MYH13: variants seen among roughly 807,000 people sequenced by gnomAD.
MYH13 encodes myosin-13.
MYH13 carries 177 observed loss-of-function variants against 232.1 expected under a neutral mutation model. The observed-to-expected ratio is 0.76, with a 90% CI of 0.67 to 0.86. The LOEUF (loss-of-function observed/expected upper bound fraction) is 0.86, where lower values mean the gene tolerates loss of function less well. Ranked by LOEUF, MYH13 falls within the 40% of genes least tolerant of loss-of-function variation. The pLI, the probability that MYH13 is intolerant of heterozygous loss-of-function variation, is 0.00. For synonymous variants in MYH13, 884 were observed against 923.5 expected (o/e 0.96, Z 0.78); for missense variants, 2,246 against 2,405.9 (o/e 0.93, Z 1.39).
intron 7 of MYH13, among the ~76,000 whole-genome samples, chr17:10,358,950 C>T (rs1052634262): frequency 1.8e-4 from 27 of 152,300 alleles, no homozygotes; most frequent in African/African-American, 5.3e-4. Context: ...GTCAAGGTCC[C>T]TCAACTGTAG....
rs529960171 is a variant in MYH13 at position 10,340,208 on chromosome 17, T to G, written c.1998A>C (p.Leu666Phe). Residue 666 changes from leucine to phenylalanine, a missense_variant, in exon 18 of 41, where the codon TTA (leucine) becomes TTC (phenylalanine). Physicochemically the swap from Leu to Phe is conservative, Grantham distance 22. Transcript: ENST00000252172. ...GTACAAAGTGAGGGTGGGTGCTCCTTAAGTTAGTCATCAATTTGTTTAAAT... is the reference window on the plus strand; with the variant it reads ...GTACAAAGTGAGGGTGGGTGCTCCTGAAGTTAGTCATCAATTTGTTTAAAT... The part of the protein sequence containing the change: ...RENLNKLMTN[L>F]RSTHPHFVRC... The G allele has an allele frequency of 3.2e-5, 51 of 1,614,062 alleles. 1 individual carries two copies. In the South Asian group the frequency reaches 5.2e-4, roughly 16 times the overall value.
At chr17:10,366,381 G>GTTTGTTTTTTTTTTTTTTTT (rs2071837334) in intron 2 of MYH13, among the ~76,000 whole-genome samples, 4 of 112,640 alleles carry the variant, frequency 3.6e-5, no homozygotes, top group African/African-American at 1.3e-4. Context: ...AAATAAATCT[G>GTTTGTTTTTTTTTTTTTTTT]TTTTTTTTTT....
chr17:10,323,779 AAAAAAAAAAAGAAG>A (rs1394209915), intron 23 of MYH13, among the ~76,000 whole-genome samples: 1,834 of 100,234 alleles, frequency 0.018, 7 homozygotes, highest in Non-Finnish European at 0.028. Flanking sequence ...AAAAAAAAAA[AAAAAAAAAAAGAAG>A]AAGAAGAAGA....
chr17:10,310,801 A>G (rs547606937), intron 33 of MYH13, among the ~76,000 whole-genome samples: 3 of 152,252 alleles, frequency 2.0e-5, no homozygotes, highest in South Asian at 4.1e-4. Flanking sequence ...TATGTTAAAC[A>G]TAACTGAGAG....
Position 10,328,081 on chromosome 17 carries a change from T to C in MYH13, c.2476A>G (p.Met826Val). 1 of 1,614,114 alleles carries C rather than the reference T, an allele frequency of 6.2e-7. No individual in the cohort carries two copies. The highest frequency in any genetic ancestry group is 8.5e-7 in the Non-Finnish European group (1 of 1,180,008). ...FCIQYNIRSF[M>V]NVKHWPWMNL... The stretch of plus-strand genomic sequence containing the variant: ...ATCCAGGGCCAGTGCTTGACGTTCA[T>C]AAAAGAGCGGATGTTGTACTGGATG... Residue 826 changes from methionine (M) to valine (V), a missense_variant, in exon 22 of 41, where the codon ATG becomes GTG. Coordinates refer to ENST00000252172, the MANE Select transcript of MYH13 (RefSeq NM_003802.3).
chr17:10,370,468 G>A (rs144300772), intron 2 of MYH13, among the ~76,000 whole-genome samples: 285 of 152,278 alleles, frequency 1.9e-3, no homozygotes, highest in African/African-American at 6.7e-3. Context: ...TGCTTCCAAC[G>A]TTGCATAGCT....
chr17:10,310,765 T>C (rs1388942901), intron 33 of MYH13, among the ~76,000 whole-genome samples: 1 of 152,230 alleles, frequency 6.6e-6, no homozygotes, highest in Non-Finnish European at 1.5e-5. Context: ...GGATTCTTGA[T>C]AGCCAAAAAT....
At chr17:10,303,841 G>A (rs189681845) in intron 37 of MYH13, among the ~76,000 whole-genome samples, 2 of 152,180 alleles carry the variant, frequency 1.3e-5, no homozygotes, top group African/African-American at 2.4e-5. Flanking sequence ...CTGAGGCACC[G>A]TTCACAATAG....
intron 22 of MYH13, 89 bp from the exon 23 acceptor site, chr17:10,324,353 A>G (rs762290919): frequency 1.3e-6 from 2 of 1,511,082 alleles, no homozygotes; most frequent in Non-Finnish European, 1.8e-6. Flanking sequence ...CTTATTATCT[A>G]CACCTAAGCC....
intron 3 of MYH13, 23 bp from the exon 4 acceptor site, chr17:10,362,526 G>T (rs780195238): frequency 6.2e-7 from 1 of 1,613,914 alleles, no homozygotes; most frequent in Non-Finnish European, 8.5e-7. Flanking sequence ...AGGAAAAGCA[G>T]GTAATAAATT....
intron 21 of MYH13, 60 bp from the exon 22 acceptor site, chr17:10,328,181 A>G (rs2277645): frequency 1.1e-5 from 17 of 1,580,250 alleles, no homozygotes; most frequent in African/African-American, 9.6e-5. Context: ...CTGCACCCCC[A>G]ACCTGTCCCC....
intron 20 of MYH13, among the ~76,000 whole-genome samples, chr17:10,331,498 G>A (rs1268684159): frequency 1.3e-5 from 2 of 152,222 alleles, no homozygotes; most frequent in Non-Finnish European, 2.9e-5. Context: ...TCGCTGGTTA[G>A]TGAGGAGTCA....
chr17:10,342,401 A>G (rs2071625243), intron 16 of MYH13, among the ~76,000 whole-genome samples: 1 of 152,030 alleles, frequency 6.6e-6, no homozygotes, highest in Admixed American at 6.6e-5. Context: ...GTTACTCAAA[A>G]TTTTGAACAC....
chr17:10,332,328 G>C lies in MYH13; in HGVS notation c.2175-106C>G, dbSNP rs1907437118. The C allele has an allele frequency of 9.1e-6, 13 of 1,428,844 alleles. 1 individual carries two copies. Among genetic ancestry groups the C allele is most frequent in the South Asian group, 6.2e-5 (5 of 81,226 alleles). The allele number at this position is 1,428,844 out of a possible 1,614,324, so 88.5% of individuals were successfully genotyped here. A position where few individuals can be genotyped will look rare whatever the true frequency, so the allele number is the denominator to read the frequency against. Reference sequence around the variant, plus strand: ...CCTGCTCAAGCCTTAGGAGGAAGTGGAATACTGTACAGCTGGTCTGGGAGA... The same window carrying C: ...CCTGCTCAAGCCTTAGGAGGAAGTGCAATACTGTACAGCTGGTCTGGGAGA... On this transcript the variant is annotated intron_variant, in intron 19 of 40. Coordinates refer to ENST00000252172, the MANE Select transcript of MYH13 (RefSeq NM_003802.3).
intron 11 of MYH13, among the ~76,000 whole-genome samples, chr17:10,352,832 T>C (rs1261536828): frequency 6.6e-6 from 1 of 152,148 alleles, no homozygotes; most frequent in Non-Finnish European, 1.5e-5. Flanking sequence ...TAAATTAAAT[T>C]TGGTCTAAAA....
At chr17:10,311,402 C>A (rs569039215) in intron 32 of MYH13, among the ~76,000 whole-genome samples, 175 bp from the exon 33 acceptor site, 20 of 152,152 alleles carry the variant, frequency 1.3e-4, no homozygotes, top group Non-Finnish European at 2.2e-4. Context: ...CTCACCTGCA[C>A]TAGGCAGACA....
At chr17:10,370,661 G>T (rs1264966081) in intron 2 of MYH13, among the ~76,000 whole-genome samples, 2 of 152,132 alleles carry the variant, frequency 1.3e-5, no homozygotes, top group Non-Finnish European at 2.9e-5. Context: ...ACTGTGTCTT[G>T]TCAGCAATGA....
intron 11 of MYH13, among the ~76,000 whole-genome samples, chr17:10,351,931 G>A (rs898479836): frequency 3.3e-5 from 5 of 152,138 alleles, no homozygotes; most frequent in Non-Finnish European, 5.9e-5. Context: ...GATGATATTG[G>A]AGAGTCAAGC....
chr17:10,310,178 C>A (rs895933244), intron 33 of MYH13, among the ~76,000 whole-genome samples: 1 of 151,206 alleles, frequency 6.6e-6, no homozygotes, highest in Admixed American at 6.6e-5. Context: ...GCAACCTCCA[C>A]CCCCTGGGTT....
Sources: gnomAD v4.1 joint callset for allele counts (sites outside exome capture counted in the v4.1 genomes callset) on GRCh38, gnomAD v4.1.1 for gene constraint, MANE v1.5 for transcripts, NCBI Gene and HGNC (gene_info 2026-07-23, HGNC 2026-07-21) for gene names.